Variants in MTHFD1L observed in about 807,000 individuals in gnomAD.
MTHFD1L encodes the protein monofunctional C1-tetrahydrofolate synthase, mitochondrial.
In MTHFD1L, 81 loss-of-function variants were observed where a neutral mutation model predicts 119.5. That is an observed-to-expected ratio of 0.68 (90% CI 0.57 to 0.82). The LOEUF (loss-of-function observed/expected upper bound fraction) is 0.82, where lower values mean the gene tolerates loss of function less well. Among genes scored for constraint, MTHFD1L ranks in the 40% least tolerant of loss-of-function variants. MTHFD1L has a pLI of 0.00. For missense variants in MTHFD1L, 1,125 were observed against 1,253.4 expected, an observed-to-expected ratio of 0.90 and a Z score of 1.55; for synonymous variants, 430 against 475.2, an observed-to-expected ratio of 0.90 and a Z score of 1.24.
At chr6:151,046,104 A>G (rs1465340025) in intron 26 of MTHFD1L, among the ~76,000 whole-genome samples, 3 of 152,152 alleles carry the variant, frequency 2.0e-5, no homozygotes, top group Admixed American at 1.3e-4. Context: ...TCTCTCCCCT[A>G]GTGTGATATG....
chr6:151,034,743 C>T lies in MTHFD1L; in HGVS notation c.2694+143C>T, dbSNP rs1428468730. 2.3e-5 allele frequency: 15 copies of T among 655,332 alleles called. No individual in the cohort carries two copies. In the Admixed American group the frequency reaches 4.0e-4, roughly 17 times the overall value. The allele number at this position is 655,332 out of a possible 1,614,324, so 40.6% of individuals were successfully genotyped here. A position where few individuals can be genotyped will look rare whatever the true frequency, so the allele number is the denominator to read the frequency against. The stretch of plus-strand genomic sequence containing the variant: ...GGTTAACAAAGATGAAGGTAATATC[C>T]TCGGGTAGAGTGTAGACTATATTTA... On this transcript the variant is annotated intron_variant, in intron 25 of 27. Transcript: ENST00000367321.
intron 26 of MTHFD1L, among the ~76,000 whole-genome samples, chr6:151,068,266 A>C (rs1288022905): frequency 1.2e-4 from 18 of 152,210 alleles, no homozygotes; most frequent in Admixed American, 1.2e-3. Flanking sequence ...ACTGCAGTGG[A>C]ACAGCCACAT....
At chr6:151,007,652 G>T (rs1441897599) in intron 20 of MTHFD1L, among the ~76,000 whole-genome samples, 3 of 152,160 alleles carry the variant, frequency 2.0e-5, no homozygotes, top group Non-Finnish European at 4.4e-5. Flanking sequence ...TTATTGTCCA[G>T]CCTTCCACCT....
intron 26 of MTHFD1L, among the ~76,000 whole-genome samples, chr6:151,058,751 G>A (rs1790289181): frequency 6.6e-6 from 1 of 152,210 alleles, no homozygotes; most frequent in Non-Finnish European, 1.5e-5. Flanking sequence ...GGACCCCTGT[G>A]GTATGGACCA....
chr6:151,006,088 A>G (rs1315836601), intron 20 of MTHFD1L, among the ~76,000 whole-genome samples: 1 of 151,946 alleles, frequency 6.6e-6, no homozygotes. Flanking sequence ...CCAGATGAAT[A>G]AGGCGTGGTC....
At chr6:151,059,056 G>A (rs1208916220) in intron 26 of MTHFD1L, among the ~76,000 whole-genome samples, 1 of 152,096 alleles carries the variant, frequency 6.6e-6, no homozygotes, top group African/African-American at 2.4e-5. Context: ...CTGGAGCAGT[G>A]GTAAGCGCGC....
At chr6:150,992,335 T>C (rs537718) in intron 20 of MTHFD1L, among the ~76,000 whole-genome samples, 81,445 of 152,024 alleles carry the variant, frequency 0.54, 23,033 homozygotes, top group African/African-American at 0.7. Context: ...GAAAAACACA[T>C]AACACAATGC....
At position 150,926,978 on chromosome 6, in the gene MTHFD1L, T is replaced by C. The variant is rs1341913015; in HGVS notation, c.1256+683T>C. 6.6e-6 allele frequency among the ~76,000 whole-genome samples: 1 copy of C among 152,216 alleles called. No homozygotes were observed. Among genetic ancestry groups the C allele is most frequent in the Non-Finnish European group, 1.5e-5 (1 of 68,034 alleles). ...CCTGAGGGAACATCATGAGACCATA[T>C]AAATTCCTTTGCTGCCTTGAAATTT... On this transcript the variant is annotated intron_variant, in intron 11 of 27. Coordinates refer to ENST00000367321, the MANE Select transcript of MTHFD1L (RefSeq NM_015440.5). This position sits in a 1 kb window ranked among gnomAD's most constrained non-coding sequence, Gnocchi z 4.3.
Position 151,071,837 on chromosome 6 carries a change from A to ATTTTTTTTTTTTTTTTTTTTTTT in MTHFD1L, c.2848-20608_2848-20607insTTTTTTTTTTTTTTTTTTTTTTT, listed in dbSNP as rs753092094. 1.9e-5 allele frequency among the ~76,000 whole-genome samples: 2 copies of ATTTTTTTTTTTTTTTTTTTTTTT among 107,508 alleles called. 1 individual carries two copies. The highest frequency in any genetic ancestry group is 7.2e-5 in the African/African-American group (2 of 27,912). 70.5% of individuals were successfully genotyped at this position (107,508 alleles called of 152,430 possible). On this transcript the variant is annotated intron_variant, in intron 26 of 27. Coordinates refer to ENST00000367321, the MANE Select transcript of MTHFD1L (RefSeq NM_015440.5). ...ATATTAAGCAACATTGTAAGTACAG[A>ATTTTTTTTTTTTTTTTTTTTTTT]TTTTTTTTTTTTTTTTTTTTTTGAG...
chr6:151,012,714 T>G (rs2128486481), intron 21 of MTHFD1L, among the ~76,000 whole-genome samples: 1 of 152,276 alleles, frequency 6.6e-6, no homozygotes, highest in South Asian at 2.1e-4. Context: ...CCAATAAGGA[T>G]GTGTGTATAT....
chr6:150,978,045 C>T (rs6913668), intron 20 of MTHFD1L, among the ~76,000 whole-genome samples: 46,402 of 151,550 alleles, frequency 0.31, 7,479 homozygotes, highest in East Asian at 0.63. Context: ...GGATTACAGG[C>T]GCATGCCACC....
chr6:151,063,740 G>A (rs747898903), intron 26 of MTHFD1L, among the ~76,000 whole-genome samples: 3 of 152,120 alleles, frequency 2.0e-5, no homozygotes, highest in Non-Finnish European at 4.4e-5. Context: ...AGACTGTTAA[G>A]GGAATGTAAG....
intron 26 of MTHFD1L, chr6:151,054,812 A>G (rs1490041611): frequency 6.6e-6 from 1 of 152,242 alleles, no homozygotes; most frequent in African/African-American, 2.4e-5. Context: ...ATGTACATGT[A>G]CAGTGATTAC....
chr6:150,945,685 C>A lies in MTHFD1L; in HGVS notation c.1623+144C>A. ...TATTAAACTCTATAGAGACCGAACACTGGAGCAGAGAGAGCACAGTGTTGG... is the reference window on the plus strand; with the variant it reads ...TATTAAACTCTATAGAGACCGAACAATGGAGCAGAGAGAGCACAGTGTTGG... On this transcript the variant is annotated intron_variant, in intron 15 of 27. Transcript: ENST00000367321. 8 of 714,252 alleles carry A rather than the reference C, an allele frequency of 1.1e-5. No homozygotes were observed. The South Asian group carries it at 1.3e-4, about 12-fold the overall frequency. 44.2% of individuals were successfully genotyped at this position (714,252 alleles called of 1,614,324 possible).
intron 24 of MTHFD1L, chr6:151,022,389 G>A (rs1784060632): frequency 5.1e-6 from 1 of 196,704 alleles, no homozygotes; most frequent in East Asian, 1.2e-4. Flanking sequence ...TATACAGTGG[G>A]GGATCTTCCA....
chr6:151,094,702 C>T (rs996870757), intron 27 of MTHFD1L, among the ~76,000 whole-genome samples: 2 of 152,142 alleles, frequency 1.3e-5, no homozygotes, highest in African/African-American at 4.8e-5. Context: ...CACCACCATG[C>T]CCAGCTAGTT....
chr6:150,876,108 A>T lies in MTHFD1L; in HGVS notation c.246A>T (p.Ser82=), dbSNP rs1780395355. The T allele has an allele frequency of 6.2e-7, 1 of 1,608,672 alleles. No individual in the cohort carries two copies. Among genetic ancestry groups the T allele is most frequent in the East Asian group, 2.2e-5 (1 of 44,812 alleles). ...DSIVREVIQN[S]KEVLSLLQEK... ...AATGTAGAGAAGTCATTCAGAATTC[A>T]AAAGAAGTTCTAAGTTTATTGCAAG... The change falls in exon 2 of 28, where the codon TCA becomes TCT. Residue 82 remains serine (S), a synonymous_variant. Coordinates refer to ENST00000367321, the MANE Select transcript of MTHFD1L (RefSeq NM_015440.5).
rs112463588 is a variant in MTHFD1L at position 150,883,979 on chromosome 6, G to A, written c.542+1093G>A. ...CTAGCCTTTTATTGTGACTTGAGTA[G>A]ACCCAAACACAGGCTGAAAAGGTGT... On this transcript the variant is annotated intron_variant, in intron 5 of 27. Transcript: ENST00000367321. Among the ~76,000 whole-genome samples the A allele has an allele frequency of 6.8e-3, 1,041 of 152,104 alleles. 15 individuals are homozygous for A. Among genetic ancestry groups the A allele is most frequent in the East Asian group, 0.043 (221 of 5,152 alleles).
intron 7 of MTHFD1L, chr6:150,898,982 A>G (rs1199674205): frequency 5.8e-6 from 6 of 1,030,296 alleles, no homozygotes; most frequent in Non-Finnish European, 4.7e-6. Flanking sequence ...GAGTCATTAA[A>G]GTATATCCAT....
Sources: allele counts gnomAD v4.1 joint callset (sites outside exome capture counted in the v4.1 genomes callset), GRCh38; gene constraint gnomAD v4.1.1; non-coding constraint Gnocchi (gnomAD v3.1); transcripts MANE v1.5; gene names NCBI Gene and HGNC (gene_info 2026-07-23, HGNC 2026-07-21).